The following TRMT9B variants were observed in gnomAD, a reference collection of about 807,000 sequenced individuals.
TRMT9B encodes tRNA methyltransferase 9B (putative), also known as probable tRNA methyltransferase 9B.
Under a neutral mutation model 11.5 loss-of-function variants are expected in TRMT9B, and 16 were observed. The observed-to-expected ratio is 1.39, with a 90% CI of 0.94 to 2.11. TRMT9B has a LOEUF of 2.11. Among genes scored for constraint, TRMT9B ranks in the 30% most tolerant of loss-of-function variants. The probability of loss-of-function intolerance (pLI) is 0.00; values close to 1 mark genes in which losing one functional copy is unlikely to be tolerated. For missense variants in TRMT9B, 941 were observed against 553.8 expected (o/e 1.70, Z -7.02); for synonymous variants, 274 against 192.4 (o/e 1.42, Z -3.51).
intron 2 of TRMT9B, among the ~76,000 whole-genome samples, chr8:13,001,587 T>C (rs942967964): frequency 2.6e-5 from 4 of 152,210 alleles, no homozygotes; most frequent in Admixed American, 2.6e-4. Flanking sequence ...TAAATTAACA[T>C]TTCCACAGTG....
intron 1 of TRMT9B, among the ~76,000 whole-genome samples, chr8:12,978,489 G>A (rs1039846939): frequency 2.4e-5 from 3 of 123,314 alleles, no homozygotes; most frequent in East Asian, 2.4e-4. Flanking sequence ...GCTAACCCGC[G>A]ACAGAGAGAT....
Position 13,026,800 on chromosome 8 carries a change from C to T in TRMT9B, c.*4756C>T, listed in dbSNP as rs1814740043. Reference sequence around the variant, plus strand: ...TAACCACAACACCATATACTCCCACCCCTGGGCCCAGCTCATGTGCTTGGC... The same window carrying T: ...TAACCACAACACCATATACTCCCACTCCTGGGCCCAGCTCATGTGCTTGGC... On this transcript the variant is annotated 3_prime_UTR_variant, in exon 5 of 5. Transcript: ENST00000524591. 6.0e-6 allele frequency: 1 copy of T among 167,042 alleles called. No homozygotes were observed. Among genetic ancestry groups the T allele is most frequent in the Admixed American group, 6.5e-5 (1 of 15,274 alleles). 10.3% of individuals were successfully genotyped at this position (167,042 alleles called of 1,614,324 possible).
chr8:12,948,850 C>G (rs192988285), intron 1 of TRMT9B, among the ~76,000 whole-genome samples: 5 of 152,258 alleles, frequency 3.3e-5, no homozygotes, highest in African/African-American at 1.2e-4. Flanking sequence ...GTCCCCGCTA[C>G]TTGGGAGGCT....
intron 1 of TRMT9B, among the ~76,000 whole-genome samples, chr8:12,947,027 C>G (rs897095855): frequency 6.6e-6 from 1 of 152,138 alleles, no homozygotes; most frequent in African/African-American, 2.4e-5. Context: ...GACTCCAGCC[C>G]GTGAACATCC....
At position 13,025,690 on chromosome 8, in the gene TRMT9B, G is replaced by A. The variant is rs894431134; in HGVS notation, c.*3646G>A. Reference sequence around the variant, plus strand: ...CTATTTAAATTTTTTCCAATTGCCAGTATAGTGATGATATGACACCAGCAT... The same window carrying A: ...CTATTTAAATTTTTTCCAATTGCCAATATAGTGATGATATGACACCAGCAT... On this transcript the variant is annotated 3_prime_UTR_variant, in exon 5 of 5. Transcript: ENST00000524591. 9 of 167,026 alleles carry A rather than the reference G, an allele frequency of 5.4e-5. No individual in the cohort carries two copies. The highest frequency in any genetic ancestry group is 2.2e-4 in the African/African-American group (9 of 41,448). 10.3% of individuals were successfully genotyped at this position (167,026 alleles called of 1,614,324 possible).
At position 12,956,379 on chromosome 8, in the gene TRMT9B, C is replaced by G. The variant is rs1482378742; in HGVS notation, c.-200+10413C>G. On this transcript the variant is annotated intron_variant, in intron 1 of 4. Transcript: ENST00000524591. ...GCTAGTTGCTAACCAGTTACCTTTT[C>G]AAACAGATGGATGTTATCGTTTTGC... is the stretch of plus-strand genomic sequence containing the variant. 2.0e-5 allele frequency among the ~76,000 whole-genome samples: 3 copies of G among 152,270 alleles called. No homozygotes were observed. In the East Asian group the frequency reaches 5.8e-4, roughly 29 times the overall value.
intron 1 of TRMT9B, among the ~76,000 whole-genome samples, chr8:12,976,297 C>A (rs1230513141): frequency 6.6e-6 from 1 of 151,934 alleles, no homozygotes; most frequent in African/African-American, 2.4e-5. Context: ...ATTTCACCAT[C>A]GTAAAAGGCA....
intron 1 of TRMT9B, chr8:12,951,373 T>C (rs1280509365): frequency 1.3e-5 from 2 of 152,250 alleles, no homozygotes; most frequent in Non-Finnish European, 2.9e-5. Context: ...AGCGTCGTCG[T>C]CACCCAAGGT....
At chr8:13,006,916 G>C (rs117902805) in intron 3 of TRMT9B, 3,954 of 159,280 alleles carry the variant, frequency 0.025, 61 homozygotes, top group Non-Finnish European at 0.031. Flanking sequence ...TGATCCATCT[G>C]TCTCGGCTTC....
rs149948174 is a variant in TRMT9B at position 13,013,341 on chromosome 8, C to T, written c.328+484C>T. 3.9e-5 allele frequency among the ~76,000 whole-genome samples: 6 copies of T among 152,270 alleles called. No individual in the cohort carries two copies. The East Asian group carries it at 1.2e-3, about 29-fold the overall frequency. Reference sequence around the variant, plus strand: ...TCAAGTTCATGGAGAAGGTAGGTCCCATCTGGTCTTGGATTGCATTGTTTT... The same window carrying T: ...TCAAGTTCATGGAGAAGGTAGGTCCTATCTGGTCTTGGATTGCATTGTTTT... On this transcript the variant is annotated intron_variant, in intron 4 of 4. Coordinates refer to ENST00000524591, the MANE Select transcript of TRMT9B (RefSeq NM_020844.3).
At chr8:13,015,148 A>G (rs9785119) in intron 4 of TRMT9B, among the ~76,000 whole-genome samples, 48,245 of 151,574 alleles carry the variant, frequency 0.32, 8,239 homozygotes, top group East Asian at 0.6. Flanking sequence ...TCTTTTGTCT[A>G]CACTCATTTT....
At chr8:12,968,832 G>T (rs554311142) in intron 1 of TRMT9B, among the ~76,000 whole-genome samples, 27 of 152,280 alleles carry the variant, frequency 1.8e-4, no homozygotes, top group African/African-American at 6.5e-4. Flanking sequence ...ACACAGGCCT[G>T]GCCTGACTCA....
intron 2 of TRMT9B, among the ~76,000 whole-genome samples, chr8:13,003,979 G>C (rs1467344179): frequency 6.6e-6 from 1 of 151,772 alleles, no homozygotes; most frequent in African/African-American, 2.4e-5. Context: ...CATGCAGAGA[G>C]AATCTGTGCT....
chr8:12,985,283 T>C (rs1273102745), intron 1 of TRMT9B, among the ~76,000 whole-genome samples: 1 of 152,226 alleles, frequency 6.6e-6, no homozygotes, highest in East Asian at 1.9e-4. Flanking sequence ...TTTGAAGCTC[T>C]GAATTTGTTC....
chr8:13,001,855 G>C (rs1466569875), intron 2 of TRMT9B, among the ~76,000 whole-genome samples: 1 of 152,102 alleles, frequency 6.6e-6, no homozygotes, highest in Non-Finnish European at 1.5e-5. Context: ...CACAGATTAG[G>C]AATCCTGGCT....
At chr8:12,973,522 T>G (rs1803951748) in intron 1 of TRMT9B, among the ~76,000 whole-genome samples, 1 of 152,186 alleles carries the variant, frequency 6.6e-6, no homozygotes, top group South Asian at 2.1e-4. Context: ...TAACTGCTAC[T>G]TTCACTGAAG....
At chr8:12,989,146 GA>G in intron 1 of TRMT9B, among the ~76,000 whole-genome samples, 1 of 152,196 alleles carries the variant, frequency 6.6e-6, no homozygotes, top group South Asian at 2.1e-4. Context: ...CTCTTCCCAG[GA>G]AAATACACGC....
chr8:12,972,048 G>A (rs972595876), intron 1 of TRMT9B, among the ~76,000 whole-genome samples: 1 of 152,184 alleles, frequency 6.6e-6, no homozygotes, highest in Non-Finnish European at 1.5e-5. Flanking sequence ...ATACAGCAGT[G>A]TTAGGTAGAG....
At chr8:12,998,544 G>C (rs1008913537) in intron 2 of TRMT9B, among the ~76,000 whole-genome samples, 1 of 152,178 alleles carries the variant, frequency 6.6e-6, no homozygotes, top group African/African-American at 2.4e-5. Context: ...CTGATGACAG[G>C]GCTAAGTGCT....
Sources: gnomAD v4.1 joint callset for allele counts (sites outside exome capture counted in the v4.1 genomes callset) on GRCh38, gnomAD v4.1.1 for gene constraint, MANE v1.5 for transcripts, NCBI Gene and HGNC (gene_info 2026-07-23, HGNC 2026-07-21) for gene names.